LGMN: variants seen among roughly 807,000 people sequenced by gnomAD.
The protein encoded by LGMN is asparaginyl endopeptidase.
In LGMN, 36 loss-of-function variants were observed where a neutral mutation model predicts 56.8. The observed-to-expected ratio is 0.63, with a 90% confidence interval of 0.49 to 0.84. LGMN has a LOEUF of 0.84. Ranked by LOEUF, LGMN falls within the 40% of genes least tolerant of loss-of-function variation. The pLI is 0.00. For missense variants in LGMN, 446 were observed against 556.1 expected, an observed-to-expected ratio of 0.80 and a Z score of 1.99; for synonymous variants, 199 against 210.1, an observed-to-expected ratio of 0.95 and a Z score of 0.46.
chr14:92,731,178 A>G (rs913907100), intron 2 of LGMN, among the ~76,000 whole-genome samples: 2 of 152,184 alleles, frequency 1.3e-5, no homozygotes, highest in African/African-American at 4.8e-5. Context: ...ACCCCACTGC[A>G]GGAGTTAAAG....
chr14:92,715,214 G>GT (rs1555397591), intron 5 of LGMN, among the ~76,000 whole-genome samples: 1,553 of 149,032 alleles, frequency 0.01, 33 homozygotes, highest in African/African-American at 0.037. Context: ...GGTCAGGGTG[G>GT]GTGTGTGTGT....
At chr14:92,719,413 A>ACCACCACTG (rs1291218189) in intron 2 of LGMN, among the ~76,000 whole-genome samples, 18 of 151,382 alleles carry the variant, frequency 1.2e-4, no homozygotes, top group Non-Finnish European at 2.5e-4. Context: ...CGCCACCACT[A>ACCACCACTG]CCACCACTGC....
Position 92,717,438 on chromosome 14 carries a change from A to G in LGMN, c.260T>C (p.Ile87Thr). 6.2e-7 allele frequency: 1 copy of G among 1,613,494 alleles called. No homozygotes were observed. The change falls in exon 4 of 14, where the codon ATC becomes ACC. Residue 87 changes from isoleucine to threonine, a missense_variant. Coordinates refer to ENST00000334869, the MANE Select transcript of LGMN (RefSeq NM_005606.7). The stretch of plus-strand genomic sequence containing the variant: ...GACATCTGTGCCATTGGGCCTGTTG[A>G]TCACAATTCCTGGAGTGGGATTGCT... Reference protein sequence around the residue: ...SEDNPTPGIVINRPNGTDVYQ... With the variant: ...SEDNPTPGIVTNRPNGTDVYQ...
intron 1 of LGMN, among the ~76,000 whole-genome samples, chr14:92,740,782 A>G (rs1891514135): frequency 6.6e-6 from 1 of 152,196 alleles, no homozygotes; most frequent in South Asian, 2.1e-4. Flanking sequence ...GTCAATGAAC[A>G]AGCCTTTACA....
intron 5 of LGMN, 166 bp downstream of exon 5, chr14:92,715,970 C>G (rs1435574278): frequency 2.1e-6 from 1 of 472,376 alleles, no homozygotes; most frequent in Non-Finnish European, 3.8e-6. Context: ...AGAGAAGCCA[C>G]TGAAACAACA....
chr14:92,727,971 G>C (rs182613498), intron 2 of LGMN, among the ~76,000 whole-genome samples: 1 of 152,188 alleles, frequency 6.6e-6, no homozygotes, highest in Non-Finnish European at 1.5e-5. Flanking sequence ...AAATTCTGCC[G>C]TGTTTGCCAC....
chr14:92,733,487 G>A (rs1891156235), intron 1 of LGMN, among the ~76,000 whole-genome samples: 1 of 152,196 alleles, frequency 6.6e-6, no homozygotes. Context: ...ATACTATGAA[G>A]TATTTGTAAG....
chr14:92,705,273 AG>A (rs1566912524), intron 12 of LGMN, among the ~76,000 whole-genome samples: 1 of 152,158 alleles, frequency 6.6e-6, no homozygotes, highest in African/African-American at 2.4e-5. Context: ...AGGCCGAGGC[AG>A]GTGGGTCACC....
chr14:92,716,056 C>G, intron 5 of LGMN, 80 bp downstream of exon 5: 1 of 951,886 alleles, frequency 1.1e-6, no homozygotes, highest in South Asian at 1.5e-5. Flanking sequence ...GCTAGGGGCA[C>G]AGAACAACAC....
At position 92,732,748 on chromosome 14, in the gene LGMN, CAGGGCCACACTG is replaced by C. The variant is rs1288079366; in HGVS notation, c.27_38del (p.Ser10_Leu13del). 6.2e-7 allele frequency: 1 copy of C among 1,614,048 alleles called. No individual in the cohort carries two copies. Among genetic ancestry groups the C allele is most frequent in the Non-Finnish European group, 8.5e-7 (1 of 1,180,028 alleles). The stretch of plus-strand genomic sequence containing the variant: ...CATCTATAGGAACGGCACCAATGCC[CAGGGCCACACTG>C]AGGAATACAGCTACTTTCCAAACCA... On this transcript the variant is annotated inframe_deletion, in exon 2 of 14. Coordinates refer to ENST00000334869, the MANE Select transcript of LGMN (RefSeq NM_005606.7).
chr14:92,714,443 TG>T lies in LGMN; in HGVS notation c.412del (p.Gln138ArgfsTer26). 1.9e-6 allele frequency: 3 copies of T among 1,606,378 alleles called. No individual in the cohort carries two copies. The highest frequency in any genetic ancestry group is 2.6e-6 in the Non-Finnish European group (3 of 1,173,626). On this transcript the variant is annotated frameshift_variant, in exon 6 of 14. Coordinates refer to ENST00000334869, the MANE Select transcript of LGMN (RefSeq NM_005606.7). LOFTEE classifies it high-confidence loss of function. The surrounding 1 kb of genome is among the most constrained non-coding windows in gnomAD (Gnocchi z 5.1). ...AGTGAAGTAAATGAACACGTGATCCTGGGGGCCACTGCCAAGAAGGAATCGG... is the reference window on the plus strand; with the variant it reads ...AGTGAAGTAAATGAACACGTGATCCTGGGGCCACTGCCAAGAAGGAATCGG... The part of the protein sequence containing the change: ...GSGKVLKSGP[Q>X]DHVFIYFTDH...
rs78137884 is a variant in LGMN at position 92,713,880 on chromosome 14, A to G, written c.486T>C (p.His162=). 6.4e-4 allele frequency: 1,027 copies of G among 1,610,894 alleles called. 10 individuals carry two copies. In the African/African-American group the frequency reaches 0.012, roughly 19 times the overall value. The change falls in exon 7 of 14, where the codon CAT becomes CAC. Residue 162 remains histidine (H), a synonymous_variant. Coordinates refer to ENST00000334869, the MANE Select transcript of LGMN (RefSeq NM_005606.7). Reference sequence around the variant, plus strand: ...GGATGGTCTCATTCAGGTCCTTTACATGAAGCTGAAAGGTGAGAATATTGT... The same window carrying G: ...GGATGGTCTCATTCAGGTCCTTTACGTGAAGCTGAAAGGTGAGAATATTGT... ...GILVFPNEDL[H]VKDLNETIHY...
chr14:92,711,191 T>C (rs1261709130), intron 10 of LGMN, among the ~76,000 whole-genome samples: 2 of 152,158 alleles, frequency 1.3e-5, no homozygotes, highest in Non-Finnish European at 2.9e-5. Flanking sequence ...ATGTCTCCAA[T>C]TTATAGCCAA....
At chr14:92,743,021 T>G (rs184365887) in intron 1 of LGMN, 2 of 143,928 alleles carry the variant, frequency 1.4e-5, no homozygotes, top group Admixed American at 1.4e-4. Flanking sequence ...CTGTCCTCTG[T>G]CTCAAAAAAA....
Position 92,704,010 on chromosome 14 carries a change from C to A in LGMN, c.*309G>T. On this transcript the variant is annotated 3_prime_UTR_variant, in exon 14 of 14. Coordinates refer to ENST00000334869, the MANE Select transcript of LGMN (RefSeq NM_005606.7). ...TAAAGACTCCTTTTGAGAGGGGCTA[C>A]AGAAGCCCCCATGAGCTTCCTGCTC... The A allele has an allele frequency of 1.5e-6, 1 of 672,854 alleles. No individual in the cohort carries two copies. The highest frequency in any genetic ancestry group is 2.7e-6 in the Non-Finnish European group (1 of 374,650). 41.7% of individuals were successfully genotyped at this position (672,854 alleles called of 1,614,324 possible).
chr14:92,736,594 T>TTAAA (rs1891319783), intron 1 of LGMN, among the ~76,000 whole-genome samples: 1 of 152,146 alleles, frequency 6.6e-6, no homozygotes, highest in Non-Finnish European at 1.5e-5. Flanking sequence ...AGACCCTGTC[T>TTAAA]TAAATAAATA....
intron 3 of LGMN, among the ~76,000 whole-genome samples, chr14:92,717,829 T>C (rs1277600908): frequency 6.6e-6 from 1 of 152,174 alleles, no homozygotes; most frequent in African/African-American, 2.4e-5. Flanking sequence ...AACAAGACTT[T>C]AATACAAGAG....
chr14:92,739,341 G>A (rs1337916377), intron 1 of LGMN, among the ~76,000 whole-genome samples: 1 of 152,154 alleles, frequency 6.6e-6, no homozygotes, highest in Non-Finnish European at 1.5e-5. Flanking sequence ...TGACTCTGCT[G>A]TTTTTGGCTG....
intron 8 of LGMN, 131 bp from the exon 9 acceptor site, chr14:92,712,086 G>A (rs117845934): frequency 0.014 from 9,503 of 701,464 alleles, 108 homozygotes; most frequent in South Asian, 0.026. Flanking sequence ...GGAGGGCAGG[G>A]ACACGTAACT....
Sources: allele counts gnomAD v4.1 joint callset (sites outside exome capture counted in the v4.1 genomes callset), GRCh38; gene constraint gnomAD v4.1.1; non-coding constraint Gnocchi (gnomAD v3.1); transcripts MANE v1.5; gene names NCBI Gene and HGNC (gene_info 2026-07-23, HGNC 2026-07-21).